SYCP2: variants seen among roughly 807,000 people sequenced by gnomAD.
SYCP2 encodes the protein synaptonemal complex protein 2.
Under a neutral mutation model 211.3 loss-of-function variants are expected in SYCP2, and 55 were observed. The ratio of observed to expected loss-of-function variants is 0.26; its 90% confidence interval spans 0.21 to 0.33. SYCP2 has a LOEUF of 0.33. Ranked by LOEUF, SYCP2 falls within the 10% of genes least tolerant of loss-of-function variation. SYCP2 has a pLI of 1.00. For missense variants in SYCP2, 1,731 were observed against 1,752.0 expected (o/e 0.99, Z 0.21); for synonymous variants, 570 against 555.2 (o/e 1.03, Z -0.37).
intron 26 of SYCP2, among the ~76,000 whole-genome samples, chr20:59,882,995 T>C (rs1600848496): frequency 6.6e-6 from 1 of 152,114 alleles, no homozygotes; most frequent in East Asian, 1.9e-4. Flanking sequence ...TTTGTAACAT[T>C]CTCCTTAAAC....
In SYCP2 at chr20:59,909,535, G is replaced by T. The variant is rs912216897; in HGVS notation, c.973-2111C>A. Among the ~76,000 whole-genome samples, 6 of 152,214 alleles carry T rather than the reference G, an allele frequency of 3.9e-5. No individual in the cohort carries two copies. In the South Asian group the frequency reaches 1.2e-3, roughly 32 times the overall value. On this transcript the variant is annotated intron_variant, in intron 14 of 44. Transcript: ENST00000357552. ...TTTTATCCATTTCCCCTACCAGGGG[G>T]GATCTTTTACACAAATGTGTTCTCC...
chr20:59,928,212 C>G (rs2060669277), intron 2 of SYCP2, among the ~76,000 whole-genome samples: 1 of 152,088 alleles, frequency 6.6e-6, no homozygotes, highest in Non-Finnish European at 1.5e-5. Flanking sequence ...CAGCGAGGCT[C>G]AACATAAATA....
At chr20:59,919,110 C>T in intron 7 of SYCP2, 48 bp downstream of exon 7, 1 of 994,248 alleles carries the variant, frequency 1.0e-6, no homozygotes, top group South Asian at 1.4e-5. Context: ...TACTAAAACT[C>T]TAACAGTAAA....
intron 2 of SYCP2, among the ~76,000 whole-genome samples, chr20:59,929,863 A>T (rs988208474): frequency 6.6e-6 from 1 of 152,068 alleles, no homozygotes; most frequent in Non-Finnish European, 1.5e-5. Flanking sequence ...AATTTTAATT[A>T]TTTATTTAGA....
intron 24 of SYCP2, among the ~76,000 whole-genome samples, chr20:59,889,390 AT>A (rs146069418): frequency 0.035 from 5,301 of 151,902 alleles, 265 homozygotes; most frequent in African/African-American, 0.11. Context: ...TCCAAAAATG[AT>A]TTTTTTTAAA....
chr20:59,916,456 A>G, intron 8 of SYCP2, 30 bp downstream of exon 8: 1 of 1,315,262 alleles, frequency 7.6e-7, no homozygotes, highest in South Asian at 1.2e-5. Flanking sequence ...TCTCATTTTT[A>G]GTTTTTAAAA....
intron 33 of SYCP2, among the ~76,000 whole-genome samples, chr20:59,876,411 A>AAAAAAAAAAAAAAG (rs71183188): frequency 7.2e-6 from 1 of 139,586 alleles, no homozygotes; most frequent in East Asian, 2.1e-4. Context: ...AAAAAAAAAA[A>AAAAAAAAAAAAAAG]GAAGAAGTGA....
At position 59,882,136 on chromosome 20, in the gene SYCP2, T is replaced by G. The variant is rs1158732754; in HGVS notation, c.2559A>C (p.Lys853Asn). 6.2e-7 allele frequency: 1 copy of G among 1,612,848 alleles called. No homozygotes were observed. Among genetic ancestry groups the G allele is most frequent in the African/African-American group, 1.3e-5 (1 of 74,868 alleles). Residue 853 changes from lysine to asparagine, a missense_variant, in exon 27 of 45, where the codon AAA becomes AAC. Around this residue, in one of 3 missense-constraint regions of SYCP2, gnomAD observed 1,387 missense variants for 1,351.3 expected, o/e 1.03. Transcript: ENST00000357552. ...KEKVQKKSYR[K>N]LKTTFVNVTS... ...TAACATTAACAAAGGTAGTCTTCAGTTTTCTGTAGCTTTTTTTCTGAACTT... is the reference window on the plus strand; with the variant it reads ...TAACATTAACAAAGGTAGTCTTCAGGTTTCTGTAGCTTTTTTTCTGAACTT...
chr20:59,878,494 T>C (rs1407689696), intron 31 of SYCP2, among the ~76,000 whole-genome samples: 1 of 152,170 alleles, frequency 6.6e-6, no homozygotes, highest in Non-Finnish European at 1.5e-5. Context: ...TATGTCAGCA[T>C]AAGTTAAAAA....
At chr20:59,865,307 C>T in intron 44 of SYCP2, 81 bp downstream of exon 44, 1 of 1,102,234 alleles carries the variant, frequency 9.1e-7, no homozygotes, top group Non-Finnish European at 1.3e-6. Context: ...AAAAGAAAGA[C>T]ATAAAAGCAC....
At chr20:59,902,847 G>C (rs1263037973) in intron 15 of SYCP2, among the ~76,000 whole-genome samples, 1 of 152,092 alleles carries the variant, frequency 6.6e-6, no homozygotes, top group African/African-American at 2.4e-5. Context: ...ACAGTGACAA[G>C]TTTTCAGGTT....
intron 8 of SYCP2, among the ~76,000 whole-genome samples, chr20:59,916,232 C>G (rs1245623629): frequency 6.6e-6 from 1 of 152,066 alleles, no homozygotes; most frequent in East Asian, 1.9e-4. Flanking sequence ...TTATTTTTAG[C>G]ATTTAAATAC....
At position 59,913,903 on chromosome 20, in the gene SYCP2, T is replaced by C. The variant is rs1207609901; in HGVS notation, c.830+72A>G. Reference sequence around the variant, plus strand: ...AAGAATAAAGTTAAATGTATAAAGATGCAACACTGGGTGCTCACTCTTGAG... The same window carrying C: ...AAGAATAAAGTTAAATGTATAAAGACGCAACACTGGGTGCTCACTCTTGAG... On this transcript the variant is annotated intron_variant, in intron 12 of 44. Transcript: ENST00000357552. The C allele has an allele frequency of 3.6e-6, 4 of 1,102,912 alleles. No individual in the cohort carries two copies. In the African/African-American group the frequency reaches 6.3e-5, roughly 17 times the overall value. The allele number at this position is 1,102,912 out of a possible 1,614,324, so 68.3% of individuals were successfully genotyped here.
chr20:59,886,435 A>G (rs2059789663), intron 25 of SYCP2, among the ~76,000 whole-genome samples: 1 of 152,040 alleles, frequency 6.6e-6, no homozygotes, highest in Non-Finnish European at 1.5e-5. Context: ...TACAATGTCT[A>G]CATCCTAAAG....
At chr20:59,908,342 CCTTA>C (rs1444038272) in intron 14 of SYCP2, among the ~76,000 whole-genome samples, 1 of 152,056 alleles carries the variant, frequency 6.6e-6, no homozygotes, top group Non-Finnish European at 1.5e-5. Flanking sequence ...TCCTCTAAAT[CCTTA>C]CTATTTTCAC....
At chr20:59,903,601 A>G (rs1368704265) in intron 15 of SYCP2, among the ~76,000 whole-genome samples, 4 of 152,138 alleles carry the variant, frequency 2.6e-5, no homozygotes, top group Non-Finnish European at 4.4e-5. Flanking sequence ...GAGTAGACAA[A>G]TATCTTCTGT....
At chr20:59,897,121 G>A (rs2060024891) in intron 18 of SYCP2, among the ~76,000 whole-genome samples, 1 of 152,056 alleles carries the variant, frequency 6.6e-6, no homozygotes. Flanking sequence ...GATAAGCAGA[G>A]GCAGGGACTA....
intron 2 of SYCP2, among the ~76,000 whole-genome samples, chr20:59,931,725 T>C (rs937279724): frequency 2.0e-5 from 3 of 152,176 alleles, no homozygotes; most frequent in African/African-American, 7.2e-5. Flanking sequence ...TTTTAGTTTC[T>C]AATCTACTTT....
intron 19 of SYCP2, 69 bp downstream of exon 19, chr20:59,896,360 A>G: frequency 1.2e-6 from 1 of 818,504 alleles, no homozygotes; most frequent in Non-Finnish European, 2.0e-6. Flanking sequence ...TATGTTCAGA[A>G]TTGCCTTAAA....
Sources: gnomAD v4.1 joint callset for allele counts (sites outside exome capture counted in the v4.1 genomes callset) on GRCh38, gnomAD v4.1.1 for gene constraint, gnomAD v4.1.1 regional missense constraint, MANE v1.5 for transcripts, NCBI Gene and HGNC (gene_info 2026-07-23, HGNC 2026-07-21) for gene names.